KCNA6: variants seen among roughly 807,000 people sequenced by gnomAD.
KCNA6 encodes the protein human brain potassium channel-2.
A neutral mutation model predicts 29.5 loss-of-function variants in KCNA6; 17 were observed. The ratio of observed to expected loss-of-function variants is 0.58; its 90% CI spans 0.39 to 0.86. KCNA6 has a LOEUF of 0.86. KCNA6 is among the 40% of genes least tolerant of loss of function. The pLI, the probability that KCNA6 is intolerant of heterozygous loss-of-function variation, is 0.00. For missense variants in KCNA6, 450 were observed against 703.4 expected, an observed-to-expected ratio of 0.64 and a Z score of 4.07; for synonymous variants, 296 against 304.7, an observed-to-expected ratio of 0.97 and a Z score of 0.30.
chr12:4,809,750 C>T (rs1591587968), exon 1 of KCNA6: 1 of 345,692 alleles, frequency 2.9e-6, no homozygotes, highest in Non-Finnish European at 5.2e-6. Context: ...GCCAATTTCA[C>T]ACGCGCCTGT....
chr12:4,832,819 G>T, the KCNA6 span, among the ~76,000 whole-genome samples: 1 of 152,120 alleles, frequency 6.6e-6, no homozygotes, highest in Non-Finnish European at 1.5e-5. Context: ...TCTTTATGTG[G>T]ACTGGACCAC....
chr12:4,846,937 C>T, the KCNA6 span, among the ~76,000 whole-genome samples: 1 of 151,542 alleles, frequency 6.6e-6, no homozygotes, highest in Non-Finnish European at 1.5e-5. Flanking sequence ...CGCCACCACG[C>T]CCAGCTAATT....
At chr12:4,845,574 A>G in the KCNA6 span, among the ~76,000 whole-genome samples, 3 of 152,200 alleles carry the variant, frequency 2.0e-5, no homozygotes, top group Non-Finnish European at 4.4e-5. Context: ...AATTTTAGAT[A>G]AACTAGGAGT....
the KCNA6 span, among the ~76,000 whole-genome samples, chr12:4,826,265 G>C: frequency 1.3e-5 from 2 of 152,176 alleles, no homozygotes; most frequent in Middle Eastern, 6.8e-3. Context: ...TGCTGCTGAG[G>C]GCTCTTACCT....
At chr12:4,849,222 C>A in the KCNA6 span, among the ~76,000 whole-genome samples, 1 of 152,086 alleles carries the variant, frequency 6.6e-6, no homozygotes, top group Non-Finnish European at 1.5e-5. Flanking sequence ...AGGGAGAAAG[C>A]TTATGATGTT....
chr12:4,831,724 G>A, the KCNA6 span, among the ~76,000 whole-genome samples: 46,516 of 152,034 alleles, frequency 0.31, 7,381 homozygotes, highest in South Asian at 0.44. Context: ...GCTAAGACAC[G>A]GAGCTTCTGA....
chr12:4,829,899 A>G, the KCNA6 span, among the ~76,000 whole-genome samples: 2 of 152,124 alleles, frequency 1.3e-5, no homozygotes, highest in Non-Finnish European at 2.9e-5. Context: ...TGGCCGAGAG[A>G]GGTTGACTGA....
chr12:4,846,375 GAC>G, the KCNA6 span, among the ~76,000 whole-genome samples: 84 of 152,152 alleles, frequency 5.5e-4, 2 homozygotes, highest in African/African-American at 2.0e-3. Flanking sequence ...CCACAATATA[GAC>G]ACATACCCAT....
At chr12:4,809,739 A>C in exon 1 of KCNA6, 1 of 317,374 alleles carries the variant, frequency 3.2e-6, no homozygotes, top group Non-Finnish European at 5.7e-6. Context: ...CTTTTCGGGC[A>C]GCCAATTTCA....
At chr12:4,841,034 A>G in the KCNA6 span, among the ~76,000 whole-genome samples, 1 of 152,228 alleles carries the variant, frequency 6.6e-6, no homozygotes, top group Non-Finnish European at 1.5e-5. Flanking sequence ...AGCAGGAAGA[A>G]AAAGAAAGGA....
the KCNA6 span, among the ~76,000 whole-genome samples, chr12:4,834,018 T>C: frequency 1.3e-5 from 2 of 151,822 alleles, no homozygotes; most frequent in Non-Finnish European, 2.9e-5. Context: ...AGCCTTGATG[T>C]CTCAGGCCCA....
the KCNA6 span, among the ~76,000 whole-genome samples, chr12:4,830,932 T>C: frequency 6.6e-6 from 1 of 152,246 alleles, no homozygotes; most frequent in Non-Finnish European, 1.5e-5. Context: ...AGCAGACTTT[T>C]GCAGGATATC....
the KCNA6 span, among the ~76,000 whole-genome samples, chr12:4,837,872 G>A: frequency 2.6e-5 from 4 of 151,860 alleles, no homozygotes; most frequent in Admixed American, 1.3e-4. Context: ...CACTTACTGA[G>A]CATCTGCTGG....
At chr12:4,826,589 T>G in the KCNA6 span, among the ~76,000 whole-genome samples, 19 of 152,384 alleles carry the variant, frequency 1.2e-4, no homozygotes, top group African/African-American at 4.1e-4. Context: ...GTCACCTGCC[T>G]GGCCCTCAGC....
chr12:4,813,890 A>C (rs1946656872), downstream of KCNA6: 1 of 167,170 alleles, frequency 6.0e-6, no homozygotes, highest in South Asian at 2.1e-4. Flanking sequence ...TTTTCTTTTC[A>C]AGTCAGAGCA....
At chr12:4,827,189 C>CTTCT in the KCNA6 span, among the ~76,000 whole-genome samples, 1 of 81,890 alleles carries the variant, frequency 1.2e-5, no homozygotes, top group Non-Finnish European at 2.4e-5. Context: ...TCCTTCCCTC[C>CTTCT]TTCCTTCCTT....
rs757248564 is a variant in KCNA6, at chr12:4,810,898, C to T, written c.857C>T (p.Pro286Leu). 1 of 1,614,080 alleles carries T rather than the reference C, an allele frequency of 6.2e-7. No individual in the cohort carries two copies. The highest frequency in any genetic ancestry group is 1.7e-5 in the Admixed American group (1 of 60,034). ...CTCCTGGTGCGCTTCTCCGCCTGCC[C>T]TAGCAAGCCGGCCTTCTTCCGGAAC... The change falls in exon 1 of 1, where the codon CCT becomes CTT. Residue 286 changes from proline to leucine, a missense_variant. Physicochemically the swap from Pro to Leu is moderately conservative, Grantham distance 98 (BLOSUM62 -3). Around this residue, in one of 7 missense-constraint regions of KCNA6, gnomAD observed 46 missense variants for 80.2 expected, o/e 0.57. Coordinates refer to ENST00000280684, the Ensembl canonical transcript of KCNA6. The surrounding 1 kb of genome is among the most constrained non-coding windows in gnomAD (Gnocchi z 7.5).
the KCNA6 span, among the ~76,000 whole-genome samples, chr12:4,836,154 T>C: frequency 6.6e-6 from 1 of 151,750 alleles, no homozygotes; most frequent in African/African-American, 2.4e-5. Flanking sequence ...TTCACCATGT[T>C]GGCCAGGTTG....
At chr12:4,836,247 C>T in the KCNA6 span, among the ~76,000 whole-genome samples, 1 of 152,128 alleles carries the variant, frequency 6.6e-6, no homozygotes, top group Non-Finnish European at 1.5e-5. Flanking sequence ...CCACGCCTGG[C>T]CAAAAGTCAC....
Sources: gnomAD v4.1 joint callset for allele counts (sites outside exome capture counted in the v4.1 genomes callset) on GRCh38, gnomAD v4.1.1 for gene constraint, gnomAD v4.1.1 regional missense constraint, Gnocchi (gnomAD v3.1) non-coding constraint, MANE v1.5 for transcripts, NCBI Gene and HGNC (gene_info 2026-07-23, HGNC 2026-07-21) for gene names.